LRIG1: variants seen among roughly 807,000 people sequenced by gnomAD.
The protein encoded by LRIG1 is leucine-rich repeats and immunoglobulin-like domains protein 1.
LRIG1 carries 48 observed loss-of-function variants against 99.2 expected under a neutral mutation model. The observed-to-expected ratio is 0.48, with a 90% CI of 0.38 to 0.62. The LOEUF is 0.62. Among genes scored for constraint, LRIG1 ranks in the 20% least tolerant of loss-of-function variants. LRIG1 has a pLI of 0.00. For missense variants in LRIG1, 1,646 were observed against 1,434.4 expected (o/e 1.15, Z -2.38); for synonymous variants, 772 against 596.1 (o/e 1.29, Z -4.30).
At chr3:66,385,147 C>A (rs944835583) in intron 13 of LRIG1, among the ~76,000 whole-genome samples, 1 of 152,142 alleles carries the variant, frequency 6.6e-6, no homozygotes, top group Non-Finnish European at 1.5e-5. Flanking sequence ...ATCTACTCCC[C>A]ACCCCCCTCC....
In LRIG1 at chr3:66,459,450, T is replaced by C. The variant is rs568855887; in HGVS notation, c.290+2988A>G. Among the ~76,000 whole-genome samples the C allele has an allele frequency of 5.3e-5, 8 of 152,344 alleles. 1 individual carries two copies. The highest frequency in any genetic ancestry group is 2.0e-4 in the Admixed American group (3 of 15,304). On this transcript the variant is annotated intron_variant, in intron 2 of 18. Coordinates refer to ENST00000273261, the MANE Select transcript of LRIG1 (RefSeq NM_015541.3). ...CCTCCATCGTGCATGCCAGGCACAG[T>C]GGTCCTCAGCCTGTTCCCTTCTTGA...
Position 66,500,541 on chromosome 3 carries a change from C to G in LRIG1, c.-134G>C. ...CGGGGCATGGCCCCCGCCCCAAGTT[C>G]TCTCTGCGGCCGCGGCTCCGGCACT... On this transcript the variant is annotated 5_prime_UTR_variant, in exon 1 of 19. Coordinates refer to ENST00000273261, the MANE Select transcript of LRIG1 (RefSeq NM_015541.3). 1 of 437,962 alleles carries G rather than the reference C, an allele frequency of 2.3e-6. No homozygotes were observed. Among genetic ancestry groups the G allele is most frequent in the Non-Finnish European group, 3.8e-6 (1 of 265,930 alleles). The allele number at this position is 437,962 out of a possible 1,614,324, so 27.1% of individuals were successfully genotyped here.
chr3:66,410,920 A>AC, intron 6 of LRIG1, among the ~76,000 whole-genome samples: 1 of 152,218 alleles, frequency 6.6e-6, no homozygotes, highest in East Asian at 1.9e-4. Flanking sequence ...CAAAGGCTGG[A>AC]CTCTGTGCCA....
chr3:66,382,966 G>A lies in LRIG1; in HGVS notation c.2491+16C>T, dbSNP rs746639055. The A allele has an allele frequency of 9.7e-5, 154 of 1,580,208 alleles. No individual in the cohort carries two copies. The highest frequency in any genetic ancestry group is 1.7e-4 in the Middle Eastern group (1 of 5,844). On this transcript the variant is annotated intron_variant, in intron 15 of 18. Coordinates refer to ENST00000273261, the MANE Select transcript of LRIG1 (RefSeq NM_015541.3). Reference sequence around the variant, plus strand: ...TCCTCCCTCCTTGAAAGTCAGCTCCGCTGGCAGGGCCTGACCTGTGTTGGT... The same window carrying A: ...TCCTCCCTCCTTGAAAGTCAGCTCCACTGGCAGGGCCTGACCTGTGTTGGT...
At chr3:66,481,771 A>C (rs548278079) in intron 1 of LRIG1, among the ~76,000 whole-genome samples, 1 of 152,214 alleles carries the variant, frequency 6.6e-6, no homozygotes, top group Non-Finnish European at 1.5e-5. Flanking sequence ...CTAAAACTCT[A>C]TCACAATTAT....
chr3:66,494,121 AATC>A (rs1575736489), intron 1 of LRIG1, among the ~76,000 whole-genome samples: 1 of 152,180 alleles, frequency 6.6e-6, no homozygotes, highest in African/African-American at 2.4e-5. Context: ...TGTGCTCCAG[AATC>A]ATCATAAAGT....
chr3:66,391,164 C>T (rs1469976812), intron 12 of LRIG1, among the ~76,000 whole-genome samples: 1 of 152,130 alleles, frequency 6.6e-6, no homozygotes, highest in East Asian at 1.9e-4. Flanking sequence ...GTTAATAACA[C>T]ATGCTAGCAA....
chr3:66,406,427 G>C, intron 8 of LRIG1: 1 of 985,386 alleles, frequency 1.0e-6, no homozygotes, highest in Non-Finnish European at 1.2e-6. Context: ...TGGGCTCACA[G>C]GCTGACCTGG....
chr3:66,407,609 GCACGCGCGTGCGTGCACACA>G lies in LRIG1; in HGVS notation c.936-138_936-119del, dbSNP rs754208701. 30 of 1,063,438 alleles carry G rather than the reference GCACGCGCGTGCGTGCACACA, an allele frequency of 2.8e-5. No homozygotes were observed. The African/African-American group carries it at 3.6e-4, about 13-fold the overall frequency. The allele number at this position is 1,063,438 out of a possible 1,614,324, so 65.9% of individuals were successfully genotyped here. ...AGTGGGAAATGACACAGATGCACACGCACGCGCGTGCGTGCACACACACACCCACACCCACAGAATCCTGG... is the reference window on the plus strand; with the variant it reads ...AGTGGGAAATGACACAGATGCACACGCACACCCACACCCACAGAATCCTGG... On this transcript the variant is annotated intron_variant, in intron 7 of 18. Coordinates refer to ENST00000273261, the MANE Select transcript of LRIG1 (RefSeq NM_015541.3).
intron 3 of LRIG1, among the ~76,000 whole-genome samples, chr3:66,434,770 A>C (rs960722686): frequency 6.6e-5 from 10 of 151,674 alleles, no homozygotes; most frequent in African/African-American, 1.9e-4. Flanking sequence ...AAAAAAAAAA[A>C]AAAACACACC....
In LRIG1 at chr3:66,404,143, C is replaced by T. The variant is rs1045235219; in HGVS notation, c.1160+1055G>A. On this transcript the variant is annotated intron_variant, in intron 9 of 18. Coordinates refer to ENST00000273261, the MANE Select transcript of LRIG1 (RefSeq NM_015541.3). ...CTTCAGACAGCCAACAGAGCTTATT[C>T]CTAAGCAGGACCCTTGTATATAAAA... The T allele has an allele frequency of 6.5e-6, 5 of 773,564 alleles. No homozygotes were observed. The African/African-American group carries it at 9.0e-5, about 14-fold the overall frequency. 47.9% of individuals were successfully genotyped at this position (773,564 alleles called of 1,614,324 possible).
chr3:66,383,934 T>G, intron 14 of LRIG1, 57 bp downstream of exon 14: 2 of 1,447,026 alleles, frequency 1.4e-6, no homozygotes, highest in Non-Finnish European at 1.9e-6. Flanking sequence ...CATTTGAGAG[T>G]CTCTCTCTCT....
intron 1 of LRIG1, among the ~76,000 whole-genome samples, chr3:66,485,228 T>C (rs1368769477): frequency 4.0e-5 from 6 of 151,762 alleles, no homozygotes; most frequent in African/African-American, 1.5e-4. Flanking sequence ...TCCATCTTGC[T>C]GCTACATTCC....
intron 8 of LRIG1, chr3:66,405,886 C>G: frequency 9.4e-7 from 1 of 1,067,280 alleles, no homozygotes; most frequent in Non-Finnish European, 1.1e-6. Context: ...ATGAGGCCAA[C>G]TCAGCCCAGG....
intron 1 of LRIG1, among the ~76,000 whole-genome samples, chr3:66,479,857 G>A (rs981067057): frequency 3.3e-4 from 51 of 152,344 alleles, no homozygotes; most frequent in African/African-American, 1.1e-3. Flanking sequence ...GATGTGCCAC[G>A]TGGTGCACAC....
intron 14 of LRIG1, 84 bp downstream of exon 14, chr3:66,383,907 C>A: frequency 6.5e-7 from 1 of 1,537,622 alleles, no homozygotes. Context: ...ACGCATACCA[C>A]CCCTGGCCAC....
intron 14 of LRIG1, 106 bp downstream of exon 14, chr3:66,383,885 G>A (rs980901874): frequency 2.8e-5 from 41 of 1,449,870 alleles, no homozygotes; most frequent in South Asian, 5.9e-5. Flanking sequence ...AAACAGGGTC[G>A]AAAGGCCCAC....
At chr3:66,447,387 T>TA (rs911382135) in intron 3 of LRIG1, among the ~76,000 whole-genome samples, 2 of 151,750 alleles carry the variant, frequency 1.3e-5, no homozygotes, top group African/African-American at 2.4e-5. Context: ...CTTATCTCAT[T>TA]AAAAAAAATA....
At chr3:66,499,213 C>A (rs1023669347) in intron 1 of LRIG1, among the ~76,000 whole-genome samples, 1 of 152,096 alleles carries the variant, frequency 6.6e-6, no homozygotes, top group Non-Finnish European at 1.5e-5. Context: ...ACACAGAAGT[C>A]TAATGCCTTT....
Sources: gnomAD v4.1 joint callset for allele counts (sites outside exome capture counted in the v4.1 genomes callset) on GRCh38, gnomAD v4.1.1 for gene constraint, MANE v1.5 for transcripts, NCBI Gene and HGNC (gene_info 2026-07-23, HGNC 2026-07-21) for gene names.